Variants in PRKN observed in about 807,000 individuals in gnomAD.
PRKN encodes parkin RBR E3 ubiquitin protein ligase, also known as E3 ubiquitin-protein ligase parkin.
Under a neutral mutation model 59.5 loss-of-function variants are expected in PRKN, and 56 were observed. The observed-to-expected ratio is 0.94, with a 90% confidence interval of 0.76 to 1.18. The LOEUF (loss-of-function observed/expected upper bound fraction) is 1.18, where lower values mean the gene tolerates loss of function less well. Among genes scored for constraint, PRKN ranks in the 50% most tolerant of loss-of-function variants. The probability of loss-of-function intolerance (pLI) is 0.00; values close to 1 mark genes in which losing one functional copy is unlikely to be tolerated. For missense variants in PRKN, 657 were observed against 596.4 expected, an observed-to-expected ratio of 1.10 and a Z score of -1.06; for synonymous variants, 250 against 222.1, an observed-to-expected ratio of 1.13 and a Z score of -1.12.
At chr6:161,728,781 G>A (rs1007327441) in intron 7 of PRKN, among the ~76,000 whole-genome samples, 1 of 152,176 alleles carries the variant, frequency 6.6e-6, no homozygotes, top group African/African-American at 2.4e-5. Flanking sequence ...ACCACCGTAT[G>A]AGTTCCCAGC....
At chr6:162,292,508 C>A (rs1781482696) in intron 2 of PRKN, among the ~76,000 whole-genome samples, 1 of 152,120 alleles carries the variant, frequency 6.6e-6, no homozygotes, top group Non-Finnish European at 1.5e-5. Flanking sequence ...GGTCAAGTAA[C>A]CAGACTTGGA....
At chr6:161,570,124 TAAAAAAAAAA>T (rs55699586) in intron 7 of PRKN, among the ~76,000 whole-genome samples, 2 of 51,446 alleles carry the variant, frequency 3.9e-5, no homozygotes, top group African/African-American at 1.7e-4. Flanking sequence ...AGTAAATAGG[TAAAAAAAAAA>T]AAAAAAAAAA....
At chr6:162,336,324 C>T (rs1481919778) in intron 2 of PRKN, among the ~76,000 whole-genome samples, 2 of 152,232 alleles carry the variant, frequency 1.3e-5, no homozygotes, top group East Asian at 1.9e-4. Flanking sequence ...ATGCCAATTT[C>T]AGTCTATGTT....
chr6:162,168,872 GAGTATATGTACACCCAC>G (rs1382189300), intron 4 of PRKN, among the ~76,000 whole-genome samples: 1 of 152,178 alleles, frequency 6.6e-6, no homozygotes, highest in Admixed American at 6.5e-5. Flanking sequence ...ATATGCAAAA[GAGTATATGTACACCCAC>G]AGACATGCTA....
chr6:162,451,015 G>A (rs1790599281), intron 1 of PRKN, among the ~76,000 whole-genome samples: 1 of 152,088 alleles, frequency 6.6e-6, no homozygotes, highest in African/African-American at 2.4e-5. Flanking sequence ...TAAAACTGTT[G>A]TAAAATAAAT....
intron 7 of PRKN, among the ~76,000 whole-genome samples, chr6:161,742,499 C>T (rs375069089): frequency 1.3e-4 from 20 of 152,162 alleles, no homozygotes; most frequent in African/African-American, 4.1e-4. Flanking sequence ...ATCTTCATGA[C>T]GCTTTCAAAA....
At chr6:162,107,436 G>C (rs1459763349) in intron 4 of PRKN, among the ~76,000 whole-genome samples, 1 of 152,224 alleles carries the variant, frequency 6.6e-6, no homozygotes, top group African/African-American at 2.4e-5. Context: ...CTGTACTCCA[G>C]CCTGGGCGAC....
At chr6:162,555,537 CTG>C (rs1779525225) in intron 1 of PRKN, among the ~76,000 whole-genome samples, 1 of 152,030 alleles carries the variant, frequency 6.6e-6, no homozygotes, top group African/African-American at 2.4e-5. Context: ...AACAAAAACA[CTG>C]TTGCTGAGAT....
At chr6:162,255,994 A>G (rs1270317683) in intron 3 of PRKN, among the ~76,000 whole-genome samples, 1 of 152,178 alleles carries the variant, frequency 6.6e-6, no homozygotes, top group Non-Finnish European at 1.5e-5. Flanking sequence ...GAAAAGATTG[A>G]GCATTAATTT....
At chr6:162,722,125 C>T (rs1457273141) in intron 1 of PRKN, among the ~76,000 whole-genome samples, 1 of 152,130 alleles carries the variant, frequency 6.6e-6, no homozygotes, top group Non-Finnish European at 1.5e-5. Flanking sequence ...TGTACCTTCC[C>T]CACAGGCAAT....
At chr6:162,722,025 G>A (rs1186580867) in intron 1 of PRKN, among the ~76,000 whole-genome samples, 2 of 152,088 alleles carry the variant, frequency 1.3e-5, no homozygotes, top group Non-Finnish European at 2.9e-5. Flanking sequence ...CTCTTCTTCT[G>A]TGGTGGTGAA....
In PRKN at chr6:161,347,525, T is replaced by C. The variant is rs1242154813; in HGVS notation, c.*2574A>G. The C allele has an allele frequency of 6.6e-6, 1 of 152,198 alleles. No homozygotes were observed. Among genetic ancestry groups the C allele is most frequent in the African/African-American group, 2.4e-5 (1 of 41,460 alleles). 9.4% of individuals were successfully genotyped at this position (152,198 alleles called of 1,614,324 possible). On this transcript the variant is annotated 3_prime_UTR_variant, in exon 12 of 12. Transcript: ENST00000366898. The stretch of plus-strand genomic sequence containing the variant: ...TTTCTGCAAAGACTTTATTTCTATT[T>C]TTTGATACATTCATATTTTGTTACA...
At chr6:161,404,063 C>G (rs1206007458) in intron 9 of PRKN, among the ~76,000 whole-genome samples, 1 of 152,072 alleles carries the variant, frequency 6.6e-6, no homozygotes, top group Non-Finnish European at 1.5e-5. Flanking sequence ...ATTAGGAAAT[C>G]CCTTTGGGCA....
intron 1 of PRKN, among the ~76,000 whole-genome samples, chr6:162,550,012 T>A (rs192076666): frequency 7.2e-5 from 11 of 152,302 alleles, no homozygotes; most frequent in Admixed American, 7.2e-4. Context: ...TAAATATGTC[T>A]CACCGTTTGT....
rs994762958 is a variant in PRKN at position 162,163,828 on chromosome 6, G to A, written c.534+37303C>T. Among the ~76,000 whole-genome samples, 133 of 147,818 alleles carry A rather than the reference G, an allele frequency of 9.0e-4. 12 individuals carry two copies. The highest frequency in any genetic ancestry group is 2.7e-4 in the Non-Finnish European group (18 of 67,098). On this transcript the variant is annotated intron_variant, in intron 4 of 11. Coordinates refer to ENST00000366898, the MANE Select transcript of PRKN (RefSeq NM_004562.3). ...ACATCTCTCATGGTGCCCAGCGCAC[G>A]TCTCCTCCTGCACCCACAACCAGGA... is the stretch of plus-strand genomic sequence containing the variant.
At chr6:162,099,898 T>C (rs1448822032) in intron 4 of PRKN, among the ~76,000 whole-genome samples, 1 of 152,220 alleles carries the variant, frequency 6.6e-6, no homozygotes, top group Non-Finnish European at 1.5e-5. Context: ...GAAAGTTTGC[T>C]TCCTGTGACC....
chr6:162,612,771 G>T (rs1782251070), intron 1 of PRKN, among the ~76,000 whole-genome samples: 1 of 152,088 alleles, frequency 6.6e-6, no homozygotes, highest in Non-Finnish European at 1.5e-5. Context: ...CCTAAGTGGT[G>T]AAAAATCGTG....
intron 4 of PRKN, among the ~76,000 whole-genome samples, chr6:162,167,362 C>T (rs1783035358): frequency 6.6e-6 from 1 of 152,132 alleles, no homozygotes; most frequent in South Asian, 2.1e-4. Context: ...TTAATCCCTC[C>T]TGCCTGGGTT....
chr6:161,943,707 GCCTGAGGGATCAGCCTGAGGAAATAC>G (rs1779652038), intron 6 of PRKN, among the ~76,000 whole-genome samples: 1 of 151,060 alleles, frequency 6.6e-6, no homozygotes, highest in Non-Finnish European at 1.5e-5. Context: ...TGAGGGATCA[GCCTGAGGGATCAGCCTGAGGAAATAC>G]CCTGAGGGAT....
Sources: allele counts gnomAD v4.1 joint callset (sites outside exome capture counted in the v4.1 genomes callset), GRCh38; gene constraint gnomAD v4.1.1; transcripts MANE v1.5; gene names NCBI Gene and HGNC (gene_info 2026-07-23, HGNC 2026-07-21).